Variants in SOX12 observed in about 807,000 individuals in gnomAD.
SOX12 encodes SRY-box transcription factor 12.
In SOX12, 8 loss-of-function variants were observed where a neutral mutation model predicts 21.5. The observed-to-expected ratio is 0.37, with a 90% CI of 0.22 to 0.67. The LOEUF (loss-of-function observed/expected upper bound fraction) is 0.67. Ranked by LOEUF, SOX12 falls within the 30% of genes least tolerant of loss-of-function variation. The pLI, the probability that SOX12 is intolerant of heterozygous loss-of-function variation, is 0.56. For synonymous variants in SOX12, 235 were observed against 224.2 expected, an observed-to-expected ratio of 1.05 and a Z score of -0.43; for missense variants, 400 against 482.6, an observed-to-expected ratio of 0.83 and a Z score of 1.60.
Position 326,679 on chromosome 20 carries a change from T to A in SOX12, c.755T>A (p.Leu252Gln). ...ACGGTGGCGTCGGGGGAGGAGTCGCTGGGCTTTCTGTCCAGGCTGCCCCCT... is the reference window on the plus strand; with the variant it reads ...ACGGTGGCGTCGGGGGAGGAGTCGCAGGGCTTTCTGTCCAGGCTGCCCCCT... ...EETVASGEESLGFLSRLPPGP... is the reference protein window; with the variant it reads ...EETVASGEESQGFLSRLPPGP... The change falls in exon 1 of 1, where the codon CTG (leucine) becomes CAG (glutamine). Residue 252 changes from leucine to glutamine, a missense_variant. Physicochemically the swap from Leu to Gln is moderately radical, Grantham distance 113. Transcript: ENST00000342665. This position sits in a 1 kb window ranked among gnomAD's most constrained non-coding sequence, Gnocchi z 9.9. 4 of 1,567,200 alleles carry A rather than the reference T, an allele frequency of 2.6e-6. No homozygotes were observed. Among genetic ancestry groups the A allele is most frequent in the Non-Finnish European group, 3.5e-6 (4 of 1,156,256 alleles).
Position 326,195 on chromosome 20 carries a change from C to G in SOX12, c.271C>G (p.Arg91Gly). 1 of 1,592,082 alleles carries G rather than the reference C, an allele frequency of 6.3e-7. No individual in the cohort carries two copies. Among genetic ancestry groups the G allele is most frequent in the Non-Finnish European group, 8.5e-7 (1 of 1,170,104 alleles). Residue 91 changes from arginine (R) to glycine (G), a missense_variant, in exon 1 of 1, where the codon CGG (arginine) becomes GGG (glycine). Transcript: ENST00000342665. The surrounding 1 kb of genome is among the most constrained non-coding windows in gnomAD (Gnocchi z 9.9). ...GGACTCGGAGAAGATCCCGTTCGTG[C>G]GGGAGGCGGAGCGGCTGCGGCTCAA... ...LQDSEKIPFV[R>G]EAERLRLKHM...
rs2013166468 is a variant in SOX12 at position 330,043 on chromosome 20, C to T, written c.*3171C>T. 2 of 167,122 alleles carry T rather than the reference C, an allele frequency of 1.2e-5. No individual in the cohort carries two copies. Among genetic ancestry groups the T allele is most frequent in the Admixed American group, 1.3e-4 (2 of 15,284 alleles). 10.4% of individuals were successfully genotyped at this position (167,122 alleles called of 1,614,324 possible). ...GTGTCTGAGTGAGGCATGGTATAAA[C>T]ACCTGGTCATTTCAATCCAACATGG... is the stretch of plus-strand genomic sequence containing the variant. On this transcript the variant is annotated 3_prime_UTR_variant, in exon 1 of 1. Transcript: ENST00000342665.
Position 325,964 on chromosome 20 carries a change from G to A in SOX12, c.40G>A (p.Gly14Arg). 7 of 1,382,312 alleles carry A rather than the reference G, an allele frequency of 5.1e-6. No individual in the cohort carries two copies. The highest frequency in any genetic ancestry group is 6.6e-6 in the Non-Finnish European group (7 of 1,067,198). 85.6% of individuals were successfully genotyped at this position (1,382,312 alleles called of 1,614,324 possible). ...GGGCGCGAGGGCCAAGCGGGACGGC[G>A]GGCCGCCGCCCCCGGGACCCGGGCC... is the stretch of plus-strand genomic sequence containing the variant. ...QRGARAKRDG[G>R]PPPPGPGPAE... The change falls in exon 1 of 1, where the codon GGG becomes AGG. Residue 14 changes from glycine to arginine, a missense_variant. By Grantham distance (125) the Gly-to-Arg change is moderately radical. This residue lies in a region of SOX12 where 56 missense variants were observed against 51.5 expected (regional missense o/e 1.09). Transcript: ENST00000342665. This position sits in a 1 kb window ranked among gnomAD's most constrained non-coding sequence, Gnocchi z 5.0.
Position 326,682 on chromosome 20 carries a change from G to A in SOX12, c.758G>A (p.Gly253Asp). ...GTGGCGTCGGGGGAGGAGTCGCTGGGCTTTCTGTCCAGGCTGCCCCCTGGC... is the reference window on the plus strand; with the variant it reads ...GTGGCGTCGGGGGAGGAGTCGCTGGACTTTCTGTCCAGGCTGCCCCCTGGC... Reference protein sequence around the residue: ...ETVASGEESLGFLSRLPPGPA... With the variant: ...ETVASGEESLDFLSRLPPGPA... The change falls in exon 1 of 1, where the codon GGC becomes GAC. Residue 253 changes from glycine (G) to aspartate (D), a missense_variant. By Grantham distance (94) the Gly-to-Asp change is moderately conservative. Around this residue, in one of 4 missense-constraint regions of SOX12, gnomAD observed 235 missense variants for 219.3 expected, o/e 1.07. Transcript: ENST00000342665. This position sits in a 1 kb window ranked among gnomAD's most constrained non-coding sequence, Gnocchi z 9.9. The A allele has an allele frequency of 6.4e-7, 1 of 1,570,700 alleles. No individual in the cohort carries two copies. Among genetic ancestry groups the A allele is most frequent in the African/African-American group, 1.4e-5 (1 of 73,826 alleles).
In SOX12 at chr20:326,434, C is replaced by G. The variant is rs554982419; in HGVS notation, c.510C>G (p.Asp170Glu). ...CCGAGGACGACGATGAAGACGACGACGAGGAGCTGCTGGAAGTGCGCCTGG... is the reference window on the plus strand; with the variant it reads ...CCGAGGACGACGATGAAGACGACGAGGAGGAGCTGCTGGAAGTGCGCCTGG... ...AAPEDDDEDD[D>E]EELLEVRLVE... The change falls in exon 1 of 1, where the codon GAC becomes GAG. Residue 170 changes from aspartate to glutamate, a missense_variant. Around this residue, in one of 4 missense-constraint regions of SOX12, gnomAD observed 235 missense variants for 219.3 expected, o/e 1.07. Coordinates refer to ENST00000342665, the MANE Select transcript of SOX12 (RefSeq NM_006943.4). This position sits in a 1 kb window ranked among gnomAD's most constrained non-coding sequence, Gnocchi z 9.9. 7.3e-7 allele frequency: 1 copy of G among 1,362,130 alleles called. No homozygotes were observed. The highest frequency in any genetic ancestry group is 9.4e-7 in the Non-Finnish European group (1 of 1,064,552). 84.4% of individuals were successfully genotyped at this position (1,362,130 alleles called of 1,614,324 possible).
In SOX12 at chr20:327,147, T is replaced by C; in HGVS notation, c.*275T>C. The stretch of plus-strand genomic sequence containing the variant: ...AGCAGCCAGCCCCCTCCGATACACC[T>C]CCCGTCCTCTCCTACAGACCTGCAC... On this transcript the variant is annotated 3_prime_UTR_variant, in exon 1 of 1. Transcript: ENST00000342665. 1 of 423,616 alleles carries C rather than the reference T, an allele frequency of 2.4e-6. No individual in the cohort carries two copies. The highest frequency in any genetic ancestry group is 4.4e-6 in the Non-Finnish European group (1 of 227,584). The allele number at this position is 423,616 out of a possible 1,614,324, so 26.2% of individuals were successfully genotyped here. A position where few individuals can be genotyped will look rare whatever the true frequency, so the allele number is the denominator to read the frequency against.
rs1022919087 is a variant in SOX12 at position 327,745 on chromosome 20, C to A, written c.*873C>A. 6.0e-6 allele frequency: 1 copy of A among 167,204 alleles called. No individual in the cohort carries two copies. The highest frequency in any genetic ancestry group is 2.4e-5 in the African/African-American group (1 of 41,464). The allele number at this position is 167,204 out of a possible 1,614,324, so 10.4% of individuals were successfully genotyped here. ...CCAACTGGGAATTGAGAGGTAAGGTCTTTCTCTGGAAATCCAGCAGTAGAG... is the reference window on the plus strand; with the variant it reads ...CCAACTGGGAATTGAGAGGTAAGGTATTTCTCTGGAAATCCAGCAGTAGAG... On this transcript the variant is annotated 3_prime_UTR_variant, in exon 1 of 1. Transcript: ENST00000342665.
rs994472969 is a variant in SOX12 at position 329,666 on chromosome 20, A to G, written c.*2794A>G. The G allele has an allele frequency of 1.2e-5, 2 of 167,192 alleles. No individual in the cohort carries two copies. Among genetic ancestry groups the G allele is most frequent in the Non-Finnish European group, 2.9e-5 (2 of 68,196 alleles). 10.4% of individuals were successfully genotyped at this position (167,192 alleles called of 1,614,324 possible). A position where few individuals can be genotyped will look rare whatever the true frequency, so the allele number is the denominator to read the frequency against. ...TTGAGGTTCTGACTGGTGTTTTACAACTGAGTCCAAGGCTTTTCCCTCCTT... is the reference window on the plus strand; with the variant it reads ...TTGAGGTTCTGACTGGTGTTTTACAGCTGAGTCCAAGGCTTTTCCCTCCTT... On this transcript the variant is annotated 3_prime_UTR_variant, in exon 1 of 1. Transcript: ENST00000342665.
chr20:327,784 A>C lies in SOX12; in HGVS notation c.*912A>C, dbSNP rs2013128431. 1 of 167,182 alleles carries C rather than the reference A, an allele frequency of 6.0e-6. No homozygotes were observed. Among genetic ancestry groups the C allele is most frequent in the Admixed American group, 6.5e-5 (1 of 15,288 alleles). The allele number at this position is 167,182 out of a possible 1,614,324, so 10.4% of individuals were successfully genotyped here. A position where few individuals can be genotyped will look rare whatever the true frequency, so the allele number is the denominator to read the frequency against. On this transcript the variant is annotated 3_prime_UTR_variant, in exon 1 of 1. Transcript: ENST00000342665. ...CCAGCAGTAGAGGAAGGGACCACCC[A>C]AGAAAACTAAAAACCAAGGCACCTT...
Position 326,969 on chromosome 20 carries a change from C to T in SOX12, c.*97C>T, listed in dbSNP as rs1321024296. On this transcript the variant is annotated 3_prime_UTR_variant, in exon 1 of 1. Coordinates refer to ENST00000342665, the MANE Select transcript of SOX12 (RefSeq NM_006943.4). This position sits in a 1 kb window ranked among gnomAD's most constrained non-coding sequence, Gnocchi z 9.9. ...TCGGAGGCCGAGGCTGGCACCCCATCTCCCGCGCAGCCTGCCCCCTCCTGG... is the reference window on the plus strand; with the variant it reads ...TCGGAGGCCGAGGCTGGCACCCCATTTCCCGCGCAGCCTGCCCCCTCCTGG... 9 of 1,177,772 alleles carry T rather than the reference C, an allele frequency of 7.6e-6. No homozygotes were observed. The highest frequency in any genetic ancestry group is 1.0e-5 in the Non-Finnish European group (8 of 786,480). 73.0% of individuals were successfully genotyped at this position (1,177,772 alleles called of 1,614,324 possible).
rs1209196683 is a variant in SOX12 at position 328,512 on chromosome 20, G to A, written c.*1640G>A. ...TGCTCCGGCTCTGGGCCTTTCTTGC[G>A]CTCTATTTTTTTTTTTTTTTTTTTT... On this transcript the variant is annotated 3_prime_UTR_variant, in exon 1 of 1. Coordinates refer to ENST00000342665, the MANE Select transcript of SOX12 (RefSeq NM_006943.4). 2.7e-5 allele frequency: 3 copies of A among 109,172 alleles called. No individual in the cohort carries two copies. The highest frequency in any genetic ancestry group is 6.6e-5 in the African/African-American group (1 of 15,196). The allele number at this position is 109,172 out of a possible 1,614,324, so 6.8% of individuals were successfully genotyped here. A position where few individuals can be genotyped will look rare whatever the true frequency, so the allele number is the denominator to read the frequency against.
At position 326,837 on chromosome 20, in the gene SOX12, C is replaced by T; in HGVS notation, c.913C>T (p.Pro305Ser). Residue 305 changes from proline to serine, a missense_variant, in exon 1 of 1, where the codon CCG (proline) becomes TCG (serine). Pro to Ser is a moderately conservative substitution (Grantham distance 74, BLOSUM62 -1). Around this residue, in one of 4 missense-constraint regions of SOX12, gnomAD observed 17 missense variants for 49.7 expected, o/e 0.34. Transcript: ENST00000342665. The surrounding 1 kb of genome is among the most constrained non-coding windows in gnomAD (Gnocchi z 9.9). ...CGAGATGATCGCGGGGGACTGGCGC[C>T]CGTCTAGCATCGCAGACCTGGTTTT... ...VTEMIAGDWR[P>S]SSIADLVFTY 1.2e-6 allele frequency: 2 copies of T among 1,613,538 alleles called. No homozygotes were observed. Among genetic ancestry groups the T allele is most frequent in the Non-Finnish European group, 1.7e-6 (2 of 1,179,898 alleles).
chr20:326,307 G>C lies in SOX12; in HGVS notation c.383G>C (p.Gly128Ala). ...GCCAAGGCGCGGCCCCGCCCCCCCG[G>C]TGGTAGCGGTGGCGGCAGCCGGCTC... ...APAKARPRPP[G>A]GSGGGSRLKP... Residue 128 changes from glycine (G) to alanine (A), a missense_variant, in exon 1 of 1, where the codon GGT becomes GCT. By Grantham distance (60) the Gly-to-Ala change is moderately conservative (BLOSUM62 0). Coordinates refer to ENST00000342665, the MANE Select transcript of SOX12 (RefSeq NM_006943.4). This position sits in a 1 kb window ranked among gnomAD's most constrained non-coding sequence, Gnocchi z 9.9. The C allele has an allele frequency of 7.2e-7, 1 of 1,397,996 alleles. No homozygotes were observed. Among genetic ancestry groups the C allele is most frequent in the Non-Finnish European group, 9.3e-7 (1 of 1,072,178 alleles). 86.6% of individuals were successfully genotyped at this position (1,397,996 alleles called of 1,614,324 possible).
Position 325,955 on chromosome 20 carries a change from C to G in SOX12, c.31C>G (p.Arg11Gly). ...GCAGCAGCGGGGCGCGAGGGCCAAG[C>G]GGGACGGCGGGCCGCCGCCCCCGGG... is the stretch of plus-strand genomic sequence containing the variant. MVQQRGARAKRDGGPPPPGPG... is the reference protein window; with the variant it reads MVQQRGARAKGDGGPPPPGPG... The change falls in exon 1 of 1, where the codon CGG becomes GGG. Residue 11 changes from arginine to glycine, a missense_variant. Coordinates refer to ENST00000342665, the MANE Select transcript of SOX12 (RefSeq NM_006943.4). The surrounding 1 kb of genome is among the most constrained non-coding windows in gnomAD (Gnocchi z 5.0). The G allele has an allele frequency of 1.5e-6, 2 of 1,341,460 alleles. No individual in the cohort carries two copies. The highest frequency in any genetic ancestry group is 1.9e-5 in the South Asian group (1 of 53,464). 83.1% of individuals were successfully genotyped at this position (1,341,460 alleles called of 1,614,324 possible). A position where few individuals can be genotyped will look rare whatever the true frequency, so the allele number is the denominator to read the frequency against.
chr20:327,159 C>CAGG lies in SOX12; in HGVS notation c.*287_*288insAGG. ...CCTCCGATACACCTCCCGTCCTCTCCTACAGACCTGCACCCCTCCCCCCTT... is the reference window on the plus strand; with the variant it reads ...CCTCCGATACACCTCCCGTCCTCTCCAGGTACAGACCTGCACCCCTCCCCCCTT... On this transcript the variant is annotated 3_prime_UTR_variant, in exon 1 of 1. Coordinates refer to ENST00000342665, the MANE Select transcript of SOX12 (RefSeq NM_006943.4). 1 of 490,818 alleles carries CAGG rather than the reference C, an allele frequency of 2.0e-6. No individual in the cohort carries two copies. Among genetic ancestry groups the CAGG allele is most frequent in the Non-Finnish European group, 3.8e-6 (1 of 259,808 alleles). 30.4% of individuals were successfully genotyped at this position (490,818 alleles called of 1,614,324 possible).
Position 326,655 on chromosome 20 carries a change from CGGT to C in SOX12, c.734_736del (p.Val245del). 6.4e-7 allele frequency: 1 copy of C among 1,551,834 alleles called. No homozygotes were observed. The highest frequency in any genetic ancestry group is 1.2e-5 in the South Asian group (1 of 84,620). ...GCGGCTGAGGAAGGTGAAGAGGAGA[CGGT>C]GGCGTCGGGGGAGGAGTCGCTGGGC... is the stretch of plus-strand genomic sequence containing the variant. On this transcript the variant is annotated inframe_deletion, in exon 1 of 1. Coordinates refer to ENST00000342665, the MANE Select transcript of SOX12 (RefSeq NM_006943.4). The surrounding 1 kb of genome is among the most constrained non-coding windows in gnomAD (Gnocchi z 9.9).
rs750556965 is a variant in SOX12 at position 326,622 on chromosome 20, A to C, written c.698A>C (p.Glu233Ala). Reference sequence around the variant, plus strand: ...GAGGAGCCGGAGGAAGAGGAGGAGGAGGCGGCAGCGGCTGAGGAAGGTGAA... The same window carrying C: ...GAGGAGCCGGAGGAAGAGGAGGAGGCGGCGGCAGCGGCTGAGGAAGGTGAA... ...EDEEPEEEEE[E>A]AAAAEEGEEE... Residue 233 changes from glutamate (E) to alanine (A), a missense_variant, in exon 1 of 1, where the codon GAG (glutamate) becomes GCG (alanine). Physicochemically the swap from Glu to Ala is moderately radical, Grantham distance 107. Transcript: ENST00000342665. The surrounding 1 kb of genome is among the most constrained non-coding windows in gnomAD (Gnocchi z 9.9). The C allele has an allele frequency of 1.3e-4, 200 of 1,543,424 alleles. No homozygotes were observed. Among genetic ancestry groups the C allele is most frequent in the Admixed American group, 1.1e-3 (56 of 50,446 alleles).
rs904750554 is a variant in SOX12 at position 329,123 on chromosome 20, G to C, written c.*2251G>C. On this transcript the variant is annotated 3_prime_UTR_variant, in exon 1 of 1. Coordinates refer to ENST00000342665, the MANE Select transcript of SOX12 (RefSeq NM_006943.4). ...ATTTTAAAATTTCTGTGGGCCAAAT[G>C]AAACAAGTATGCAGGCAGGTCTGGT... 1.2e-5 allele frequency: 2 copies of C among 167,078 alleles called. No homozygotes were observed. Among genetic ancestry groups the C allele is most frequent in the Non-Finnish European group, 2.9e-5 (2 of 68,122 alleles). The allele number at this position is 167,078 out of a possible 1,614,324, so 10.3% of individuals were successfully genotyped here. A position where few individuals can be genotyped will look rare whatever the true frequency, so the allele number is the denominator to read the frequency against.
Position 326,932 on chromosome 20 carries a change from T to C in SOX12, c.*60T>C. On this transcript the variant is annotated 3_prime_UTR_variant, in exon 1 of 1. Coordinates refer to ENST00000342665, the MANE Select transcript of SOX12 (RefSeq NM_006943.4). The surrounding 1 kb of genome is among the most constrained non-coding windows in gnomAD (Gnocchi z 9.9). ...CAGCTGTTTACATACAGGAATCAGG[T>C]ATTGGGGCCCCTCGGAGGCCGAGGC... is the stretch of plus-strand genomic sequence containing the variant. 6.4e-7 allele frequency: 1 copy of C among 1,569,632 alleles called. No homozygotes were observed.
Sources: gnomAD v4.1 joint callset for allele counts on GRCh38, gnomAD v4.1.1 for gene constraint, gnomAD v4.1.1 regional missense constraint, Gnocchi (gnomAD v3.1) non-coding constraint, MANE v1.5 for transcripts, NCBI Gene and HGNC (gene_info 2026-07-23, HGNC 2026-07-21) for gene names.